Variants in FAM171A1 observed in about 807,000 individuals in gnomAD.
FAM171A1 encodes family with sequence similarity 171 member A1, also known as protein FAM171A1.
Under a neutral mutation model 74.9 loss-of-function variants are expected in FAM171A1, and 23 were observed. The ratio of observed to expected loss-of-function variants is 0.31; its 90% CI spans 0.22 to 0.44. The LOEUF (loss-of-function observed/expected upper bound fraction) is 0.44. FAM171A1 is among the 20% of genes least tolerant of loss of function. The probability of loss-of-function intolerance (pLI) is 1.00; values close to 1 mark genes in which losing one functional copy is unlikely to be tolerated. For synonymous variants in FAM171A1, 527 were observed against 505.7 expected (o/e 1.04, Z -0.57); for missense variants, 1,162 against 1,159.2 (o/e 1.00, Z -0.03).
chr10:15,295,537 T>G (rs1044997141), intron 1 of FAM171A1, among the ~76,000 whole-genome samples: 1 of 152,268 alleles, frequency 6.6e-6, no homozygotes, highest in African/African-American at 2.4e-5. Flanking sequence ...TTCATTTGTT[T>G]GTTTCTGTGA....
At chr10:15,337,738 C>T (rs1051653637) in intron 1 of FAM171A1, among the ~76,000 whole-genome samples, 2 of 152,294 alleles carry the variant, frequency 1.3e-5, no homozygotes, top group Middle Eastern at 3.4e-3. Flanking sequence ...CACTTGAGAT[C>T]GGGAATTTGA....
intron 1 of FAM171A1, among the ~76,000 whole-genome samples, chr10:15,333,022 C>T (rs1040628196): frequency 1.3e-5 from 2 of 152,184 alleles, no homozygotes; most frequent in Non-Finnish European, 2.9e-5. Context: ...TTACCATCAC[C>T]AGCCCCATCA....
chr10:15,265,355 T>C (rs1035324572), intron 3 of FAM171A1, among the ~76,000 whole-genome samples: 1 of 151,908 alleles, frequency 6.6e-6, no homozygotes, highest in Non-Finnish European at 1.5e-5. Context: ...TGCCTATGCC[T>C]GTAATCCCAG....
intron 3 of FAM171A1, among the ~76,000 whole-genome samples, chr10:15,273,104 C>G (rs1327536629): frequency 6.6e-5 from 10 of 152,124 alleles, no homozygotes; most frequent in Admixed American, 3.3e-4. Flanking sequence ...AATCCAGGAG[C>G]TGGTTTTTTG....
rs552310519 is a variant in FAM171A1, at chr10:15,267,260, G to A, written c.418+8595C>T. On this transcript the variant is annotated intron_variant, in intron 3 of 7. Coordinates refer to ENST00000378116, the MANE Select transcript of FAM171A1 (RefSeq NM_001010924.2). ...CAGCGTGCATGGGCACAGAACCGATGACTGTGACATCAGGCTCGCTGCAGC... is the reference window on the plus strand; with the variant it reads ...CAGCGTGCATGGGCACAGAACCGATAACTGTGACATCAGGCTCGCTGCAGC... Among the ~76,000 whole-genome samples, 115 of 152,334 alleles carry A rather than the reference G, an allele frequency of 7.5e-4. 1 individual carries two copies. The highest frequency in any genetic ancestry group is 2.7e-3 in the African/African-American group (111 of 41,578).
At chr10:15,229,931 C>G (rs1349003872) in intron 5 of FAM171A1, among the ~76,000 whole-genome samples, 2 of 151,014 alleles carry the variant, frequency 1.3e-5, no homozygotes, top group East Asian at 3.9e-4. Flanking sequence ...ACATCATCAT[C>G]ATCACCATCA....
chr10:15,311,420 G>A (rs1456090206), intron 1 of FAM171A1, among the ~76,000 whole-genome samples: 2 of 152,168 alleles, frequency 1.3e-5, no homozygotes, highest in Non-Finnish European at 2.9e-5. Context: ...TGCAAAAATA[G>A]GGAATGGCAC....
chr10:15,329,164 T>C (rs978135579), intron 1 of FAM171A1, among the ~76,000 whole-genome samples: 12 of 152,200 alleles, frequency 7.9e-5, no homozygotes, highest in Admixed American at 5.2e-4. Context: ...ACTGCATATT[T>C]TTAGTAGATA....
At chr10:15,330,933 A>ATG (rs1835622903) in intron 1 of FAM171A1, among the ~76,000 whole-genome samples, 1 of 150,510 alleles carries the variant, frequency 6.6e-6, no homozygotes. Context: ...TGCATTGCCC[A>ATG]GGCTGGAGTG....
intron 1 of FAM171A1, among the ~76,000 whole-genome samples, chr10:15,361,870 G>C (rs1204141627): frequency 6.6e-6 from 1 of 152,148 alleles, no homozygotes; most frequent in South Asian, 2.1e-4. Flanking sequence ...AAATAAAAAT[G>C]TTCATCTGAC....
intron 1 of FAM171A1, among the ~76,000 whole-genome samples, chr10:15,351,803 C>A (rs1456085610): frequency 6.6e-6 from 1 of 152,120 alleles, no homozygotes; most frequent in African/African-American, 2.4e-5. Flanking sequence ...CTTGTAATCT[C>A]AACACTTCTA....
At chr10:15,272,502 G>C (rs144272432) in intron 3 of FAM171A1, among the ~76,000 whole-genome samples, 2,907 of 152,138 alleles carry the variant, frequency 0.019, 103 homozygotes, top group African/African-American at 0.067. Context: ...AAGTTAAAAA[G>C]GATATCCAGG....
chr10:15,239,765 C>T (rs1834340847), intron 5 of FAM171A1, among the ~76,000 whole-genome samples: 1 of 152,222 alleles, frequency 6.6e-6, no homozygotes, highest in Non-Finnish European at 1.5e-5. Flanking sequence ...AACAAAATAG[C>T]TTTAACAAAA....
At chr10:15,232,571 C>T (rs900691951) in intron 5 of FAM171A1, among the ~76,000 whole-genome samples, 56 of 152,130 alleles carry the variant, frequency 3.7e-4, no homozygotes, top group African/African-American at 1.4e-3. Context: ...AATAGAATTC[C>T]ATGGGAAATC....
intron 5 of FAM171A1, among the ~76,000 whole-genome samples, chr10:15,229,645 TCAC>T (rs1834164399): frequency 1.5e-5 from 2 of 133,864 alleles, no homozygotes; most frequent in South Asian, 2.4e-4. Context: ...ATCATCACCA[TCAC>T]CATCATCACC....
chr10:15,301,126 T>C (rs1216670809), intron 1 of FAM171A1, among the ~76,000 whole-genome samples: 3 of 152,264 alleles, frequency 2.0e-5, no homozygotes, highest in East Asian at 1.9e-4. Flanking sequence ...TCTGCACATA[T>C]TGTGGGCAAG....
intron 5 of FAM171A1, among the ~76,000 whole-genome samples, chr10:15,226,783 TC>T (rs950904616): frequency 1.9e-4 from 29 of 152,054 alleles, no homozygotes; most frequent in Admixed American, 9.2e-4. Context: ...CGCTGAATAC[TC>T]CCCCCTACCC....
intron 2 of FAM171A1, among the ~76,000 whole-genome samples, chr10:15,276,596 T>TA (rs1438688929): frequency 6.6e-6 from 1 of 152,226 alleles, no homozygotes; most frequent in African/African-American, 2.4e-5. Flanking sequence ...AGAATGGCTT[T>TA]AAAAATACGT....
chr10:15,322,684 C>A (rs1332368612), intron 1 of FAM171A1, among the ~76,000 whole-genome samples: 1 of 152,196 alleles, frequency 6.6e-6, no homozygotes, highest in Non-Finnish European at 1.5e-5. Flanking sequence ...CACCAAGTAG[C>A]CCTCCAGAGT....
Sources: allele counts gnomAD v4.1 joint callset (sites outside exome capture counted in the v4.1 genomes callset), GRCh38; gene constraint gnomAD v4.1.1; transcripts MANE v1.5; gene names NCBI Gene and HGNC (gene_info 2026-07-23, HGNC 2026-07-21).